The following CHCHD6 variants were observed in gnomAD, a reference collection of about 807,000 sequenced individuals.
CHCHD6 encodes coiled-coil-helix-coiled-coil-helix domain containing 6.
Under a neutral mutation model 32.3 loss-of-function variants are expected in CHCHD6, and 28 were observed. The ratio of observed to expected loss-of-function variants is 0.87; its 90% confidence interval spans 0.64 to 1.19. The LOEUF is 1.19. Among genes scored for constraint, CHCHD6 ranks in the 50% most tolerant of loss-of-function variants. The pLI, the probability that CHCHD6 is intolerant of heterozygous loss-of-function variation, is 0.00. For synonymous variants in CHCHD6, 122 were observed against 117.5 expected, an observed-to-expected ratio of 1.04 and a Z score of -0.25; for missense variants, 333 against 307.0, an observed-to-expected ratio of 1.08 and a Z score of -0.63.
chr3:126,846,678 G>A (rs145038542), intron 4 of CHCHD6, among the ~76,000 whole-genome samples: 45 of 152,252 alleles, frequency 3.0e-4, no homozygotes, highest in Non-Finnish European at 4.1e-4. Context: ...ATCTTCACAC[G>A]TGATATTTAC....
chr3:126,958,316 G>A (rs541924700), intron 7 of CHCHD6, among the ~76,000 whole-genome samples: 123 of 152,234 alleles, frequency 8.1e-4, no homozygotes, highest in Non-Finnish European at 1.2e-3. Context: ...TTCACTCTCA[G>A]AACACCTAGT....
chr3:126,835,924 T>C (rs889551256), intron 4 of CHCHD6, among the ~76,000 whole-genome samples: 1 of 152,232 alleles, frequency 6.6e-6, no homozygotes, highest in Non-Finnish European at 1.5e-5. Flanking sequence ...AGGTTTCTCC[T>C]TGCCACCTTT....
At chr3:126,801,255 G>A (rs575679063) in intron 4 of CHCHD6, among the ~76,000 whole-genome samples, 30 of 152,232 alleles carry the variant, frequency 2.0e-4, no homozygotes, top group Non-Finnish European at 3.8e-4. Context: ...GAAGCAGGGC[G>A]AGGCATTGCC....
intron 4 of CHCHD6, among the ~76,000 whole-genome samples, chr3:126,804,240 A>C (rs1939236933): frequency 1.3e-5 from 2 of 152,056 alleles, no homozygotes; most frequent in African/African-American, 4.8e-5. Flanking sequence ...AAATAGAGAC[A>C]AAAAAACCCT....
At chr3:126,946,468 G>A (rs1234568690) in intron 6 of CHCHD6, among the ~76,000 whole-genome samples, 1 of 152,204 alleles carries the variant, frequency 6.6e-6, no homozygotes, top group Non-Finnish European at 1.5e-5. Context: ...GGGCTCGTTT[G>A]TGTCTCAGGC....
intron 4 of CHCHD6, among the ~76,000 whole-genome samples, chr3:126,756,197 A>C (rs1250123981): frequency 6.6e-6 from 1 of 152,132 alleles, no homozygotes; most frequent in Non-Finnish European, 1.5e-5. Flanking sequence ...TCGGACCCAT[A>C]GCTTAGAATC....
chr3:126,914,597 C>A, intron 5 of CHCHD6, 83 bp from the exon 6 acceptor site: 1 of 803,482 alleles, frequency 1.2e-6, no homozygotes, highest in South Asian at 1.4e-5. Flanking sequence ...TAGCATCTGT[C>A]AATTTCTAAT....
intron 1 of CHCHD6, among the ~76,000 whole-genome samples, chr3:126,719,755 G>A (rs982761972): frequency 3.9e-5 from 6 of 152,188 alleles, no homozygotes; most frequent in African/African-American, 1.2e-4. Context: ...TGCTTCTAGC[G>A]CATTGCCATC....
intron 4 of CHCHD6, among the ~76,000 whole-genome samples, chr3:126,820,275 T>A (rs28559850): frequency 0.11 from 17,507 of 152,238 alleles, 1,059 homozygotes; most frequent in Middle Eastern, 0.22. Flanking sequence ...GGTCTGCACA[T>A]CTTTACATAG....
intron 4 of CHCHD6, among the ~76,000 whole-genome samples, chr3:126,788,391 G>A (rs1168882327): frequency 6.6e-6 from 1 of 152,200 alleles, no homozygotes; most frequent in African/African-American, 2.4e-5. Flanking sequence ...AATAGTTTCA[G>A]AAGGAATGGT....
chr3:126,925,567 A>T (rs1023279696), intron 6 of CHCHD6, among the ~76,000 whole-genome samples: 1 of 152,136 alleles, frequency 6.6e-6, no homozygotes, highest in African/African-American at 2.4e-5. Flanking sequence ...CCTCTTCCTC[A>T]TCTGACCATG....
At chr3:126,929,782 T>C (rs1390906911) in intron 6 of CHCHD6, among the ~76,000 whole-genome samples, 1 of 152,164 alleles carries the variant, frequency 6.6e-6, no homozygotes, top group Non-Finnish European at 1.5e-5. Context: ...GCCAGGCCGG[T>C]CTCGAACTCC....
intron 4 of CHCHD6, among the ~76,000 whole-genome samples, chr3:126,839,029 C>A (rs1389776273): frequency 6.6e-6 from 1 of 151,696 alleles, no homozygotes; most frequent in African/African-American, 2.4e-5. Context: ...GCTGGGGCTA[C>A]AGGCATGCAC....
At chr3:126,744,949 G>A (rs1268618138) in intron 4 of CHCHD6, among the ~76,000 whole-genome samples, 4 of 152,194 alleles carry the variant, frequency 2.6e-5, no homozygotes, top group Non-Finnish European at 5.9e-5. Flanking sequence ...AGCTCTCCTC[G>A]TGGTGGCAGA....
chr3:126,872,463 C>T (rs1056513690), intron 5 of CHCHD6, among the ~76,000 whole-genome samples: 12 of 152,106 alleles, frequency 7.9e-5, no homozygotes, highest in Non-Finnish European at 1.5e-4. Context: ...AGATTTCCAC[C>T]GCAGAGTCCT....
chr3:126,727,821 G>A (rs895752869), intron 2 of CHCHD6, among the ~76,000 whole-genome samples: 1 of 152,148 alleles, frequency 6.6e-6, no homozygotes, highest in Admixed American at 6.5e-5. Flanking sequence ...ATAACGACTT[G>A]TAGCAAACAC....
At chr3:126,721,313 A>G (rs904621124) in intron 1 of CHCHD6, among the ~76,000 whole-genome samples, 1 of 152,170 alleles carries the variant, frequency 6.6e-6, no homozygotes, top group East Asian at 1.9e-4. Context: ...CTATGGCGGC[A>G]GGCGCACGGT....
chr3:126,834,457 A>G (rs1384966325), intron 4 of CHCHD6, among the ~76,000 whole-genome samples: 2 of 152,134 alleles, frequency 1.3e-5, no homozygotes, highest in Non-Finnish European at 2.9e-5. Context: ...TTAATTGGAA[A>G]GTTGTTGGGG....
intron 4 of CHCHD6, among the ~76,000 whole-genome samples, chr3:126,749,790 A>G (rs1936652736): frequency 6.6e-6 from 1 of 152,200 alleles, no homozygotes. Context: ...ATTTCTGGAC[A>G]TACCCTGTTG....
Sources: gnomAD v4.1 joint callset for allele counts (sites outside exome capture counted in the v4.1 genomes callset) on GRCh38, gnomAD v4.1.1 for gene constraint, MANE v1.5 for transcripts, NCBI Gene and HGNC (gene_info 2026-07-23, HGNC 2026-07-21) for gene names.